TMTC3: variants seen among roughly 807,000 people sequenced by gnomAD.
TMTC3 encodes the protein transmembrane O-mannosyltransferase targeting cadherins 3.
TMTC3 carries 52 observed loss-of-function variants against 92.2 expected under a neutral mutation model. The ratio of observed to expected loss-of-function variants is 0.56; its 90% CI spans 0.45 to 0.71. TMTC3 has a LOEUF of 0.71. Among genes scored for constraint, TMTC3 ranks in the 30% least tolerant of loss-of-function variants. The pLI is 0.00. For synonymous variants in TMTC3, 339 were observed against 363.3 expected (o/e 0.93, Z 0.76); for missense variants, 896 against 1,057.1 (o/e 0.85, Z 2.11).
rs1474944708 is a variant in TMTC3 at position 88,195,399 on chromosome 12, AG to A, written c.2496del (p.Ile833PhefsTer14). 2 of 1,613,848 alleles carry A rather than the reference AG, an allele frequency of 1.2e-6. No individual in the cohort carries two copies. Among genetic ancestry groups the A allele is most frequent in the Non-Finnish European group, 1.7e-6 (2 of 1,179,878 alleles). Reference sequence around the variant, plus strand: ...ATAGAGCCAATATTCCCAACCAGTAAGATTTCAAGTGTGGAAGGAAAGAAAA... The same window carrying A: ...ATAGAGCCAATATTCCCAACCAGTAAATTTCAAGTGTGGAAGGAAAGAAAA... ...SFIEPIFPTS[K>X]ISSVEGKKIP... On this transcript the variant is annotated frameshift_variant, in exon 14 of 14. Transcript: ENST00000266712. LOFTEE classifies it high-confidence loss of function.
At chr12:88,192,506 AAAG>A in intron 12 of TMTC3, 95 bp from the exon 13 acceptor site, 1 of 778,910 alleles carries the variant, frequency 1.3e-6, no homozygotes, top group South Asian at 1.8e-5. Flanking sequence ...AAGAGAAAAA[AAAG>A]CTGTATGTGG....
At chr12:88,155,646 C>G (rs2040999333) in intron 4 of TMTC3, among the ~76,000 whole-genome samples, 1 of 152,132 alleles carries the variant, frequency 6.6e-6, no homozygotes, top group Non-Finnish European at 1.5e-5. Flanking sequence ...ATACACTATT[C>G]TATATTATCA....
At chr12:88,160,013 T>C in intron 4 of TMTC3, 101 bp from the exon 5 acceptor site, 1 of 687,094 alleles carries the variant, frequency 1.5e-6, no homozygotes, top group East Asian at 3.2e-5. Context: ...TAATGAGAAA[T>C]AGCACTCATA....
intron 8 of TMTC3, 94 bp downstream of exon 8, chr12:88,172,839 GC>G: frequency 5.3e-6 from 8 of 1,495,956 alleles, no homozygotes; most frequent in East Asian, 2.4e-5. Context: ...TCTAAGTCAT[GC>G]TTTTGTATCT....
chr12:88,186,283 G>T (rs1480729429), intron 10 of TMTC3, among the ~76,000 whole-genome samples: 1 of 152,164 alleles, frequency 6.6e-6, no homozygotes, highest in Non-Finnish European at 1.5e-5. Context: ...GTACACAGGT[G>T]TTTGTTACTA....
chr12:88,190,613 A>G lies in TMTC3; in HGVS notation c.1697A>G (p.Tyr566Cys). ...ISMRPDFKQA[Y>C]ISRGELLLKM... ...ATGAGGCCCGACTTCAAGCAGGCTT[A>G]CATTAGCAGGTATCCCAGTTCAACT... The change falls in exon 12 of 14, where the codon TAC becomes TGC. Residue 566 changes from tyrosine (Y) to cysteine (C), a missense_variant. Physicochemically the swap from Tyr to Cys is radical, Grantham distance 194. Transcript: ENST00000266712. 6.2e-7 allele frequency: 1 copy of G among 1,613,720 alleles called. No homozygotes were observed. Among genetic ancestry groups the G allele is most frequent in the Non-Finnish European group, 8.5e-7 (1 of 1,179,758 alleles).
At chr12:88,143,017 C>T (rs1486778948) in intron 1 of TMTC3, among the ~76,000 whole-genome samples, 2 of 152,144 alleles carry the variant, frequency 1.3e-5, no homozygotes, top group Non-Finnish European at 2.9e-5. Context: ...GTGTTTACCA[C>T]TCTTACTCGT....
chr12:88,190,696 GGTTTTTTTT>G, intron 12 of TMTC3, 74 bp downstream of exon 12: 1 of 1,448,798 alleles, frequency 6.9e-7, no homozygotes, highest in Admixed American at 2.1e-5. Context: ...TGAATGAATT[GGTTTTTTTT>G]GAAAAAAAAT....
chr12:88,156,449 A>C (rs141633377), intron 4 of TMTC3, among the ~76,000 whole-genome samples: 1 of 152,304 alleles, frequency 6.6e-6, no homozygotes, highest in East Asian at 1.9e-4. Flanking sequence ...CTTTAAGAGA[A>C]TCAGCATTAA....
intron 12 of TMTC3, among the ~76,000 whole-genome samples, chr12:88,191,125 C>G (rs1296669291): frequency 6.6e-6 from 1 of 151,916 alleles, no homozygotes. Flanking sequence ...ATTTGTATTA[C>G]TTTTGAGGAA....
At chr12:88,186,041 G>T (rs1037139336) in intron 10 of TMTC3, among the ~76,000 whole-genome samples, 7 of 151,956 alleles carry the variant, frequency 4.6e-5, no homozygotes, top group Admixed American at 1.3e-4. Flanking sequence ...TAATTTTGTG[G>T]ACAGGAAATA....
intron 10 of TMTC3, among the ~76,000 whole-genome samples, chr12:88,186,409 T>C (rs1457537495): frequency 6.6e-6 from 1 of 152,052 alleles, no homozygotes; most frequent in Non-Finnish European, 1.5e-5. Flanking sequence ...ATTAGAGATG[T>C]GAGGAGAGAT....
chr12:88,161,894 T>G (rs1481909798), intron 6 of TMTC3, among the ~76,000 whole-genome samples: 1 of 151,890 alleles, frequency 6.6e-6, no homozygotes, highest in East Asian at 1.9e-4. Flanking sequence ...AGTTTGCATA[T>G]GTTTTCCTTG....
At chr12:88,171,601 G>A (rs74722002) in intron 7 of TMTC3, among the ~76,000 whole-genome samples, 3,752 of 152,140 alleles carry the variant, frequency 0.025, 140 homozygotes, top group African/African-American at 0.083. Flanking sequence ...CCAGTAATCT[G>A]TTGATGGATA....
chr12:88,187,414 A>G (rs1210840720), intron 10 of TMTC3, among the ~76,000 whole-genome samples: 1 of 152,116 alleles, frequency 6.6e-6, no homozygotes. Context: ...ATTTCTGAAC[A>G]TTATGTTTTG....
In TMTC3 at chr12:88,169,461, C is replaced by T. The variant is rs148359442; in HGVS notation, c.1050+2879C>T. ...GGAACAGCTGTGGCCTTAAGCATAA[C>T]TCTATTTTCAGTATAGTCCTAATAA... On this transcript the variant is annotated intron_variant, in intron 7 of 13. Coordinates refer to ENST00000266712, the MANE Select transcript of TMTC3 (RefSeq NM_181783.4). Among the ~76,000 whole-genome samples, 833 of 152,208 alleles carry T rather than the reference C, an allele frequency of 5.5e-3. 14 individuals carry two copies. The highest frequency in any genetic ancestry group is 0.019 in the African/African-American group (779 of 41,514).
intron 6 of TMTC3, among the ~76,000 whole-genome samples, chr12:88,164,472 G>GT (rs2041120515): frequency 6.6e-6 from 1 of 151,718 alleles, no homozygotes; most frequent in Admixed American, 6.6e-5. Context: ...CTTCTCTCAG[G>GT]TATTACAGTC....
At chr12:88,143,802 A>G (rs923859614) in intron 1 of TMTC3, among the ~76,000 whole-genome samples, 1 of 152,002 alleles carries the variant, frequency 6.6e-6, no homozygotes, top group African/African-American at 2.4e-5. Flanking sequence ...AGGTGCATAC[A>G]CCCCCATTGG....
Position 88,192,631 on chromosome 12 carries a change from A to C in TMTC3, c.1734A>C (p.Lys578Asn). ...GAGAATTGCTTTTAAAAATGAATAAACCTCTTAAAGCAAAGGAAGCATATC... is the reference window on the plus strand; with the variant it reads ...GAGAATTGCTTTTAAAAATGAATAACCCTCTTAAAGCAAAGGAAGCATATC... The part of the protein sequence containing the change: ...SRGELLLKMN[K>N]PLKAKEAYLK... The change falls in exon 13 of 14, where the codon AAA becomes AAC. Residue 578 changes from lysine (K) to asparagine (N), a missense_variant. Transcript: ENST00000266712. The C allele has an allele frequency of 6.2e-7, 1 of 1,608,156 alleles. No individual in the cohort carries two copies. Among genetic ancestry groups the C allele is most frequent in the Non-Finnish European group, 8.5e-7 (1 of 1,175,450 alleles).
Sources: allele counts gnomAD v4.1 joint callset (sites outside exome capture counted in the v4.1 genomes callset), GRCh38; gene constraint gnomAD v4.1.1; transcripts MANE v1.5; gene names NCBI Gene and HGNC (gene_info 2026-07-23, HGNC 2026-07-21).